The following UNC5D variants were observed in gnomAD, a reference collection of about 807,000 sequenced individuals.
UNC5D encodes the protein netrin receptor UNC5D.
A neutral mutation model predicts 105.4 loss-of-function variants in UNC5D; 39 were observed. The observed-to-expected ratio is 0.37, with a 90% confidence interval of 0.29 to 0.48. UNC5D has a LOEUF of 0.48. UNC5D is among the 20% of genes least tolerant of loss of function. The probability of loss-of-function intolerance (pLI) is 0.98; values close to 1 mark genes in which losing one functional copy is unlikely to be tolerated. For missense variants in UNC5D, 991 were observed against 1,202.4 expected, an observed-to-expected ratio of 0.82 and a Z score of 2.60; for synonymous variants, 452 against 450.4, an observed-to-expected ratio of 1.00 and a Z score of -0.04.
intron 3 of UNC5D, among the ~76,000 whole-genome samples, chr8:35,594,816 C>G (rs1050231301): frequency 6.6e-6 from 1 of 152,128 alleles, no homozygotes; most frequent in South Asian, 2.1e-4. Flanking sequence ...TCACTGGCAT[C>G]GATGCTCTCT....
At chr8:35,735,606 T>C (rs1413939850) in intron 11 of UNC5D, among the ~76,000 whole-genome samples, 1 of 152,184 alleles carries the variant, frequency 6.6e-6, no homozygotes, top group Non-Finnish European at 1.5e-5. Flanking sequence ...GATGGTACCA[T>C]GGCTTTAATA....
intron 4 of UNC5D, among the ~76,000 whole-genome samples, chr8:35,657,635 C>T (rs1823859170): frequency 6.6e-6 from 1 of 152,054 alleles, no homozygotes; most frequent in African/African-American, 2.4e-5. Context: ...CAAGCATGTG[C>T]CACCATGCCT....
chr8:35,567,329 T>G (rs1450288227), intron 2 of UNC5D, among the ~76,000 whole-genome samples: 2 of 152,186 alleles, frequency 1.3e-5, no homozygotes, highest in Non-Finnish European at 2.9e-5. Context: ...GTTACTCTGA[T>G]TTGATCAGTA....
intron 1 of UNC5D, chr8:35,525,072 A>T: frequency 9.2e-7 from 1 of 1,091,478 alleles, no homozygotes; most frequent in Non-Finnish European, 1.3e-6. Context: ...GTTAAGAGCC[A>T]ACAGGACATA....
In UNC5D at chr8:35,382,106, G is replaced by A. The variant is rs377030391; in HGVS notation, c.103+146219G>A. Among the ~76,000 whole-genome samples the A allele has an allele frequency of 4.8e-4, 73 of 152,274 alleles. 1 individual carries two copies. Among genetic ancestry groups the A allele is most frequent in the African/African-American group, 1.6e-3 (68 of 41,560 alleles). On this transcript the variant is annotated intron_variant, in intron 1 of 16. Transcript: ENST00000404895. ...TGTTTCAGCACAGATACATTTTTAA[G>A]TAACAAGTGCCTGAAAATCCTAACA...
chr8:35,539,554 A>G (rs1187820555), intron 1 of UNC5D, among the ~76,000 whole-genome samples: 1 of 152,198 alleles, frequency 6.6e-6, no homozygotes, highest in Non-Finnish European at 1.5e-5. Context: ...AGAGGTTTTT[A>G]TCCTGTGCCT....
intron 1 of UNC5D, among the ~76,000 whole-genome samples, chr8:35,442,497 A>G (rs1807472401): frequency 6.6e-6 from 1 of 151,910 alleles, no homozygotes; most frequent in Admixed American, 6.6e-5. Flanking sequence ...TATAATCAGC[A>G]TTGGTAACCA....
intron 11 of UNC5D, among the ~76,000 whole-genome samples, chr8:35,742,059 C>T (rs1829787407): frequency 6.6e-6 from 1 of 152,120 alleles, no homozygotes; most frequent in Admixed American, 6.5e-5. Flanking sequence ...TCTCCCTCTC[C>T]AGGAGTCTGT....
At chr8:35,701,168 T>C (rs1827172325) in intron 7 of UNC5D, among the ~76,000 whole-genome samples, 2 of 152,110 alleles carry the variant, frequency 1.3e-5, no homozygotes. Flanking sequence ...GGGAAGTGAG[T>C]TGCTGCCCCA....
At chr8:35,310,219 C>T (rs1201676320) in intron 1 of UNC5D, among the ~76,000 whole-genome samples, 1 of 152,058 alleles carries the variant, frequency 6.6e-6, no homozygotes, top group Non-Finnish European at 1.5e-5. Flanking sequence ...GTTCTGTTTG[C>T]TTTAATATCT....
intron 4 of UNC5D, among the ~76,000 whole-genome samples, chr8:35,610,877 T>C (rs929414208): frequency 2.6e-5 from 4 of 151,974 alleles, no homozygotes; most frequent in African/African-American, 9.7e-5. Context: ...ATGGGAAAAG[T>C]ATGAACTTTG....
intron 1 of UNC5D, among the ~76,000 whole-genome samples, chr8:35,476,687 G>A (rs1182846125): frequency 6.6e-6 from 1 of 152,046 alleles, no homozygotes; most frequent in African/African-American, 2.4e-5. Flanking sequence ...AAAGGCTACT[G>A]TCCTAGATTA....
intron 2 of UNC5D, 95 bp from the exon 3 acceptor site, chr8:35,568,003 T>C: frequency 6.6e-7 from 1 of 1,522,946 alleles, no homozygotes; most frequent in Non-Finnish European, 8.8e-7. Flanking sequence ...AACAGGATTG[T>C]TTAATTAAAA....
chr8:35,549,640 A>G (rs1021855120), intron 2 of UNC5D, 130 bp downstream of exon 2: 1 of 830,400 alleles, frequency 1.2e-6, no homozygotes, highest in African/African-American at 1.7e-5. Flanking sequence ...CATCACTCCC[A>G]GCATATAAGA....
intron 1 of UNC5D, among the ~76,000 whole-genome samples, chr8:35,443,772 A>C (rs1367617623): frequency 6.6e-6 from 1 of 152,032 alleles, no homozygotes; most frequent in East Asian, 1.9e-4. Flanking sequence ...GTAAATACTT[A>C]GGATATAATA....
chr8:35,413,292 T>TGTGTGTATTGTG (rs56157732), intron 1 of UNC5D, among the ~76,000 whole-genome samples: 2 of 127,978 alleles, frequency 1.6e-5, no homozygotes, highest in Non-Finnish European at 3.2e-5. Flanking sequence ...TGTGTGTGTG[T>TGTGTGTATTGTG]TGTGTGTGTG....
intron 1 of UNC5D, among the ~76,000 whole-genome samples, chr8:35,495,458 CAAA>C (rs71547636): frequency 2.2e-5 from 1 of 44,632 alleles, no homozygotes; most frequent in African/African-American, 1.0e-4. Context: ...ACAACAACAA[CAAA>C]AAAAAAAAAA....
intron 4 of UNC5D, among the ~76,000 whole-genome samples, chr8:35,656,422 A>G (rs1823740759): frequency 6.6e-6 from 1 of 152,230 alleles, no homozygotes; most frequent in African/African-American, 2.4e-5. Context: ...AGAGAATTCT[A>G]GCATAGAAAG....
intron 1 of UNC5D, among the ~76,000 whole-genome samples, chr8:35,530,874 T>C (rs1200104858): frequency 2.9e-5 from 4 of 138,384 alleles, no homozygotes; most frequent in African/African-American, 1.2e-4. Context: ...TTTGTATTTC[T>C]GTGGGATTGG....
Sources: allele counts gnomAD v4.1 joint callset (sites outside exome capture counted in the v4.1 genomes callset), GRCh38; gene constraint gnomAD v4.1.1; transcripts MANE v1.5; gene names NCBI Gene and HGNC (gene_info 2026-07-23, HGNC 2026-07-21).